Variants in STPG4 observed in about 807,000 individuals in gnomAD.
The protein encoded by STPG4 is protein STPG4.
Under a neutral mutation model 31.5 loss-of-function variants are expected in STPG4, and 41 were observed. The ratio of observed to expected loss-of-function variants is 1.30; its 90% CI spans 1.01 to 1.69. STPG4 has a LOEUF of 1.69. Among genes scored for constraint, STPG4 ranks in the 40% most tolerant of loss-of-function variants. The pLI is 0.00. For synonymous variants in STPG4, 141 were observed against 103.0 expected (o/e 1.37, Z -2.24); for missense variants, 375 against 293.4 (o/e 1.28, Z -2.03).
intron 5 of STPG4, among the ~76,000 whole-genome samples, chr2:47,100,147 C>T (rs1244152528): frequency 6.6e-6 from 1 of 152,112 alleles, no homozygotes; most frequent in Non-Finnish European, 1.5e-5. Flanking sequence ...CAGGCAGCTC[C>T]ACCTGCAGCC....
chr2:47,091,123 G>A (rs1685561233), intron 5 of STPG4, among the ~76,000 whole-genome samples: 1 of 140,216 alleles, frequency 7.1e-6, no homozygotes, highest in East Asian at 2.5e-4. Context: ...AGAAAGGGAG[G>A]GAGAAAAGGA....
intron 5 of STPG4, among the ~76,000 whole-genome samples, chr2:47,104,088 T>G (rs1369707251): frequency 6.6e-6 from 1 of 151,958 alleles, no homozygotes; most frequent in Non-Finnish European, 1.5e-5. Context: ...CTGGAGCTAT[T>G]ATCTACATGA....
At chr2:47,117,036 G>A (rs1186388454) in intron 5 of STPG4, among the ~76,000 whole-genome samples, 1 of 152,174 alleles carries the variant, frequency 6.6e-6, no homozygotes, top group African/African-American at 2.4e-5. Flanking sequence ...TGCTTAGGAT[G>A]TAGGCTCCGA....
At position 47,121,940 on chromosome 2, in the gene STPG4, ATCCTTAGCC is replaced by A. The variant is rs558619427; in HGVS notation, c.519+7992_519+8000del. Among the ~76,000 whole-genome samples, 338 of 151,364 alleles carry A rather than the reference ATCCTTAGCC, an allele frequency of 2.2e-3. 1 individual carries two copies. Among genetic ancestry groups the A allele is most frequent in the African/African-American group, 7.9e-3 (324 of 41,176 alleles). On this transcript the variant is annotated intron_variant, in intron 5 of 6. Coordinates refer to ENST00000445927, the MANE Select transcript of STPG4 (RefSeq NM_001163561.2). ...TACAGGATAATCTCCCCATCCCAAA[ATCCTTAGCC>A]ACATCTGCAAAATCTCTGCCATGTA... is the stretch of plus-strand genomic sequence containing the variant.
chr2:47,152,979 C>A lies in STPG4; in HGVS notation c.119G>T (p.Gly40Val). The change falls in exon 2 of 7, where the codon GGA becomes GTA. Residue 40 changes from glycine to valine, a missense_variant. Coordinates refer to ENST00000445927, the MANE Select transcript of STPG4 (RefSeq NM_001163561.2). ...TACTGTTAATGCTATTCTCCACCAT[C>A]CTTCTCTTTCAAAAGAGGAAGTCTT... ...AQKTSSFERE[G>V]WWRIALTDTP... is the part of the protein sequence containing the mutation. The A allele has an allele frequency of 1.2e-6, 2 of 1,611,686 alleles. No individual in the cohort carries two copies. The highest frequency in any genetic ancestry group is 1.1e-5 in the South Asian group (1 of 90,792).
At chr2:47,125,127 T>G (rs1686341103) in intron 5 of STPG4, among the ~76,000 whole-genome samples, 1 of 152,158 alleles carries the variant, frequency 6.6e-6, no homozygotes, top group African/African-American at 2.4e-5. Flanking sequence ...TATTAGATTT[T>G]TTTCCTATTG....
intron 3 of STPG4, among the ~76,000 whole-genome samples, chr2:47,143,699 A>G (rs945317112): frequency 6.6e-6 from 1 of 152,052 alleles, no homozygotes; most frequent in Admixed American, 6.6e-5. Context: ...CGTGTTAGCC[A>G]TGATGGTCTC....
chr2:47,087,073 T>A lies in STPG4; in HGVS notation c.682A>T (p.Thr228Ser). Residue 228 changes from threonine (T) to serine (S), a missense_variant, in exon 7 of 7, where the codon ACC becomes TCC. Transcript: ENST00000445927. ...TGCTCTTGGCCCATTTTGGCTATGG[T>A]CGGAGACTGCTTAGGGAATTGTCTT... ...TLRQFPKQSP[T>S]IAKMGQEHSL... 6.4e-7 allele frequency: 1 copy of A among 1,551,790 alleles called. No homozygotes were observed. The highest frequency in any genetic ancestry group is 8.7e-7 in the Non-Finnish European group (1 of 1,146,996).
At chr2:47,096,293 T>C (rs12470974) in intron 5 of STPG4, among the ~76,000 whole-genome samples, 62,607 of 151,912 alleles carry the variant, frequency 0.41, 14,183 homozygotes, top group Middle Eastern at 0.57. Context: ...ACCCATCTGG[T>C]CCAAGGGGTC....
chr2:47,128,042 G>C (rs1686399201), intron 5 of STPG4, among the ~76,000 whole-genome samples: 1 of 152,210 alleles, frequency 6.6e-6, no homozygotes, highest in African/African-American at 2.4e-5. Context: ...CACCGTAGCT[G>C]TGTCTGCATT....
intron 5 of STPG4, among the ~76,000 whole-genome samples, chr2:47,113,532 AAAC>A (rs1442228059): frequency 1.3e-5 from 2 of 152,226 alleles, no homozygotes; most frequent in Non-Finnish European, 2.9e-5. Context: ...AAACATATTA[AAAC>A]AACAGTCATA....
chr2:47,133,377 G>A (rs1463962566), intron 3 of STPG4, among the ~76,000 whole-genome samples: 1 of 151,390 alleles, frequency 6.6e-6, no homozygotes, highest in Non-Finnish European at 1.5e-5. Flanking sequence ...ATGTTGCCAG[G>A]GCTGGTCTCA....
intron 3 of STPG4, among the ~76,000 whole-genome samples, chr2:47,147,631 ATGTG>A (rs981670323): frequency 1.3e-5 from 2 of 152,154 alleles, no homozygotes; most frequent in African/African-American, 4.8e-5. Flanking sequence ...AAGATCATCT[ATGTG>A]TGTGTTGAAA....
intron 5 of STPG4, among the ~76,000 whole-genome samples, chr2:47,099,554 A>G (rs1008323209): frequency 6.6e-6 from 1 of 152,254 alleles, no homozygotes; most frequent in Non-Finnish European, 1.5e-5. Flanking sequence ...TATTTTTGAG[A>G]GGTGACAGCG....
chr2:47,151,622 G>T, intron 2 of STPG4, 107 bp from the exon 3 acceptor site: 1 of 893,236 alleles, frequency 1.1e-6, no homozygotes, highest in Non-Finnish European at 1.8e-6. Flanking sequence ...TTGTTTTCAA[G>T]TTTAATGAAA....
chr2:47,107,312 T>G (rs188324657), intron 5 of STPG4, among the ~76,000 whole-genome samples: 2 of 151,926 alleles, frequency 1.3e-5, no homozygotes, highest in Non-Finnish European at 2.9e-5. Flanking sequence ...GGGCTGCGCG[T>G]GGTGCTTGCG....
chr2:47,148,702 T>C (rs35059466), intron 3 of STPG4, among the ~76,000 whole-genome samples: 67,424 of 151,750 alleles, frequency 0.44, 16,132 homozygotes, highest in East Asian at 0.86. Flanking sequence ...CACGACAGGC[T>C]CCTGTGTGTG....
At chr2:47,144,397 T>A (rs1322341340) in intron 3 of STPG4, among the ~76,000 whole-genome samples, 1 of 152,170 alleles carries the variant, frequency 6.6e-6, no homozygotes, top group Non-Finnish European at 1.5e-5. Context: ...AAATGTTGTA[T>A]AGACTGGACA....
chr2:47,114,301 T>G lies in STPG4; in HGVS notation c.519+15640A>C, dbSNP rs550166686. 3.1e-3 allele frequency among the ~76,000 whole-genome samples: 469 copies of G among 151,996 alleles called. 1 individual carries two copies. Among genetic ancestry groups the G allele is most frequent in the Non-Finnish European group, 5.0e-3 (342 of 67,976 alleles). On this transcript the variant is annotated intron_variant, in intron 5 of 6. Coordinates refer to ENST00000445927, the MANE Select transcript of STPG4 (RefSeq NM_001163561.2). ...GGGCAGATCGCTTGAGGCCCGGAGT[T>G]CGAGACCAGCCTGGCCAACATGGTG... is the stretch of plus-strand genomic sequence containing the variant.
Sources: allele counts gnomAD v4.1 joint callset (sites outside exome capture counted in the v4.1 genomes callset), GRCh38; gene constraint gnomAD v4.1.1; transcripts MANE v1.5; gene names NCBI Gene and HGNC (gene_info 2026-07-23, HGNC 2026-07-21).